The following HS3ST5 variants were observed in gnomAD, a reference collection of about 807,000 sequenced individuals.
HS3ST5 encodes the protein heparan sulfate-glucosamine 3-sulfotransferase 5, also known as heparan sulfate glucosamine 3-O-sulfotransferase 5.
Under a neutral mutation model 25.4 loss-of-function variants are expected in HS3ST5, and 10 were observed. That is an observed-to-expected ratio of 0.39 (90% CI 0.24 to 0.67). HS3ST5 has a LOEUF of 0.67. Among genes scored for constraint, HS3ST5 ranks in the 30% least tolerant of loss-of-function variants. The pLI, the probability that HS3ST5 is intolerant of heterozygous loss-of-function variation, is 0.44. For missense variants in HS3ST5, 324 were observed against 420.7 expected, an observed-to-expected ratio of 0.77 and a Z score of 2.01; for synonymous variants, 170 against 162.4, an observed-to-expected ratio of 1.05 and a Z score of -0.36.
At chr6:114,247,780 C>A (rs1772449149) in intron 1 of HS3ST5, among the ~76,000 whole-genome samples, 1 of 150,908 alleles carries the variant, frequency 6.6e-6, no homozygotes, top group South Asian at 2.1e-4. Context: ...GTTCTACATA[C>A]TAGATATCCC....
chr6:114,263,943 T>A (rs1269153551), intron 1 of HS3ST5, among the ~76,000 whole-genome samples: 1 of 151,970 alleles, frequency 6.6e-6, no homozygotes, highest in Non-Finnish European at 1.5e-5. Flanking sequence ...GGTATCTCAA[T>A]CACATAAAGC....
chr6:114,221,460 A>C (rs557558736), intron 2 of HS3ST5, among the ~76,000 whole-genome samples: 1 of 151,760 alleles, frequency 6.6e-6, no homozygotes, highest in Non-Finnish European at 1.5e-5. Flanking sequence ...AAAAGTTAAC[A>C]TACTCTTACC....
chr6:114,219,323 A>G (rs1345789992), intron 2 of HS3ST5, among the ~76,000 whole-genome samples: 1 of 152,232 alleles, frequency 6.6e-6, no homozygotes, highest in Non-Finnish European at 1.5e-5. Context: ...CTCTTGGACC[A>G]TATAGGTTTA....
chr6:114,252,557 T>A (rs1195739231), intron 1 of HS3ST5, among the ~76,000 whole-genome samples: 1 of 152,128 alleles, frequency 6.6e-6, no homozygotes, highest in Non-Finnish European at 1.5e-5. Flanking sequence ...TGGGGGTACC[T>A]AGAATTCTTA....
intron 3 of HS3ST5, among the ~76,000 whole-genome samples, chr6:114,082,050 A>G (rs1774481428): frequency 6.6e-6 from 1 of 152,082 alleles, no homozygotes; most frequent in Non-Finnish European, 1.5e-5. Flanking sequence ...GGCAACCACT[A>G]ATCTAATTTC....
intron 2 of HS3ST5, among the ~76,000 whole-genome samples, chr6:114,189,895 G>A (rs1002371406): frequency 6.6e-6 from 1 of 152,144 alleles, no homozygotes; most frequent in African/African-American, 2.4e-5. Context: ...TGATCTGGCT[G>A]GGCTGTTTCC....
At chr6:114,137,985 G>C (rs1777713697) in intron 3 of HS3ST5, among the ~76,000 whole-genome samples, 2 of 151,882 alleles carry the variant, frequency 1.3e-5, no homozygotes, top group African/African-American at 4.8e-5. Flanking sequence ...TATGAGCTAG[G>C]TACTCTAAAT....
At chr6:114,193,992 A>G (rs1479284112) in intron 2 of HS3ST5, among the ~76,000 whole-genome samples, 1 of 152,214 alleles carries the variant, frequency 6.6e-6, no homozygotes, top group Non-Finnish European at 1.5e-5. Flanking sequence ...GCCTATAAAA[A>G]TAAGTGCAAG....
At chr6:114,213,306 A>G (rs1448973908) in intron 2 of HS3ST5, among the ~76,000 whole-genome samples, 1 of 108,038 alleles carries the variant, frequency 9.3e-6, no homozygotes, top group East Asian at 3.2e-4. Flanking sequence ...TGCTGCCAGT[A>G]GAGCCTGGGG....
intron 3 of HS3ST5, among the ~76,000 whole-genome samples, chr6:114,129,045 C>G (rs1777197036): frequency 6.6e-6 from 1 of 152,164 alleles, no homozygotes; most frequent in Admixed American, 6.5e-5. Context: ...ATTTATTAAA[C>G]AGAGACTGTA....
intron 3 of HS3ST5, among the ~76,000 whole-genome samples, chr6:114,166,893 T>C (rs1387759876): frequency 6.6e-6 from 1 of 152,250 alleles, no homozygotes; most frequent in Non-Finnish European, 1.5e-5. Context: ...GTATTTACAG[T>C]TAAGTGGAAA....
intron 1 of HS3ST5, among the ~76,000 whole-genome samples, chr6:114,295,053 T>C (rs1271569108): frequency 1.3e-5 from 2 of 152,162 alleles, no homozygotes; most frequent in Non-Finnish European, 2.9e-5. Context: ...AACTTTTTTT[T>C]CAAACCCAGA....
chr6:114,179,751 G>A (rs1315467885), intron 2 of HS3ST5, among the ~76,000 whole-genome samples: 2 of 147,870 alleles, frequency 1.4e-5, no homozygotes, highest in Non-Finnish European at 3.0e-5. Context: ...CAAGTCCCAC[G>A]ATAGACCATC....
intron 3 of HS3ST5, among the ~76,000 whole-genome samples, chr6:114,162,286 T>A (rs1004885772): frequency 3.3e-5 from 5 of 152,206 alleles, no homozygotes; most frequent in African/African-American, 1.2e-4. Flanking sequence ...TTTTATAAAC[T>A]ATAAAAGTTT....
chr6:114,200,428 C>CT (rs1270248859), intron 2 of HS3ST5, among the ~76,000 whole-genome samples: 3 of 152,088 alleles, frequency 2.0e-5, no homozygotes, highest in Non-Finnish European at 4.4e-5. Flanking sequence ...GGTGAGATTC[C>CT]TTTTTGTCTT....
chr6:114,152,675 G>A (rs1018688046), intron 3 of HS3ST5, among the ~76,000 whole-genome samples: 1 of 152,124 alleles, frequency 6.6e-6, no homozygotes, highest in African/African-American at 2.4e-5. Context: ...TCAAGTTAGA[G>A]GGGCCAGCGC....
intron 1 of HS3ST5, among the ~76,000 whole-genome samples, chr6:114,265,131 G>A (rs1773349565): frequency 6.6e-6 from 1 of 151,922 alleles, no homozygotes; most frequent in African/African-American, 2.4e-5. Flanking sequence ...GAGATCTTCT[G>A]GCCTCAGCCT....
intron 4 of HS3ST5, 76 bp from the exon 5 acceptor site, chr6:114,058,266 A>C: frequency 9.2e-7 from 1 of 1,081,530 alleles, no homozygotes; most frequent in Non-Finnish European, 1.3e-6. Flanking sequence ...TCAGACCAAG[A>C]CTTTAAATGC....
intron 3 of HS3ST5, among the ~76,000 whole-genome samples, chr6:114,065,060 G>C (rs779084826): frequency 6.6e-6 from 1 of 151,604 alleles, no homozygotes; most frequent in Non-Finnish European, 1.5e-5. Context: ...ACATAGCAGG[G>C]CTTGCCTTGT....
Sources: allele counts gnomAD v4.1 joint callset (sites outside exome capture counted in the v4.1 genomes callset), GRCh38; gene constraint gnomAD v4.1.1; transcripts MANE v1.5; gene names NCBI Gene and HGNC (gene_info 2026-07-23, HGNC 2026-07-21).